Variants in OOSP4B observed in about 807,000 individuals in gnomAD.
OOSP4B encodes oocyte-secreted protein 4B.
At chr11:60,030,299 T>C (rs1854794100) in intron 4 of OOSP4B, among the ~76,000 whole-genome samples, 1 of 152,178 alleles carries the variant, frequency 6.6e-6, no homozygotes, top group Non-Finnish European at 1.5e-5. Context: ...GTGTATAAAA[T>C]AAGTAGGCAG....
exon 3 of OOSP4B, chr11:60,025,002 A>G: frequency 2.5e-6 from 1 of 398,330 alleles, no homozygotes; most frequent in Non-Finnish European, 4.4e-6. Context: ...TGCTTTGTGA[A>G]GAGGTATGAG....
chr11:60,024,253 T>C lies in OOSP4B; in HGVS notation c.204+192T>C, dbSNP rs1854722995. 2.0e-5 allele frequency among the ~76,000 whole-genome samples: 3 copies of C among 152,092 alleles called. No individual in the cohort carries two copies. The South Asian group carries it at 6.2e-4, about 32-fold the overall frequency. On this transcript the variant is annotated intron_variant, in intron 2 of 4. Coordinates refer to ENST00000642343, the Ensembl canonical transcript of OOSP4B. ...CAGATAAGGGACTTTAAAAAGGTCA[T>C]AAGGGGCTGGGCATGGTGGCTCACA... is the stretch of plus-strand genomic sequence containing the variant.
intron 1 of OOSP4B, among the ~76,000 whole-genome samples, chr11:60,022,490 C>T (rs1012913829): frequency 7.2e-5 from 11 of 152,138 alleles, no homozygotes; most frequent in South Asian, 4.1e-4. Context: ...GTTGTACTTG[C>T]GTCTCTGTTC....
At chr11:60,026,285 A>G (rs1335336152) in intron 3 of OOSP4B, among the ~76,000 whole-genome samples, 1 of 152,146 alleles carries the variant, frequency 6.6e-6, no homozygotes, top group African/African-American at 2.4e-5. Context: ...ATTTGGGTTT[A>G]TAATCCATCT....
chr11:60,027,965 T>G, intron 3 of OOSP4B, among the ~76,000 whole-genome samples: 1 of 151,512 alleles, frequency 6.6e-6, no homozygotes, highest in East Asian at 1.9e-4. Flanking sequence ...AGTCTCCTCC[T>G]TTTGGATCAT....
chr11:60,028,778 G>A (rs149464097), intron 3 of OOSP4B, among the ~76,000 whole-genome samples: 2 of 152,278 alleles, frequency 1.3e-5, no homozygotes, highest in East Asian at 3.9e-4. Context: ...TGAAATTGTT[G>A]TAGGGGTCTT....
intron 3 of OOSP4B, among the ~76,000 whole-genome samples, chr11:60,026,745 T>C (rs1260081512): frequency 6.6e-6 from 1 of 152,226 alleles, no homozygotes; most frequent in Non-Finnish European, 1.5e-5. Context: ...TAATATTACA[T>C]GTAAATTACT....
intron 1 of OOSP4B, among the ~76,000 whole-genome samples, chr11:60,023,560 A>G (rs1854715502): frequency 6.6e-6 from 1 of 151,864 alleles, no homozygotes; most frequent in Non-Finnish European, 1.5e-5. Context: ...TCAGTCTCCC[A>G]AGTAGCTGGG....
chr11:60,020,585 C>T (rs753197071), intron 1 of OOSP4B, among the ~76,000 whole-genome samples: 6 of 152,164 alleles, frequency 3.9e-5, no homozygotes, highest in Admixed American at 6.5e-5. Context: ...CCCCGGTTCC[C>T]GCCGGCGCCT....
In OOSP4B at chr11:60,024,889, A is replaced by C; in HGVS notation, c.205-19A>C. 2.5e-6 allele frequency: 1 copy of C among 398,308 alleles called. No individual in the cohort carries two copies. Among genetic ancestry groups the C allele is most frequent in the Non-Finnish European group, 4.4e-6 (1 of 225,898 alleles). The allele number at this position is 398,308 out of a possible 1,614,324, so 24.7% of individuals were successfully genotyped here. ...AAGAATTTAATGCCTTCTAGTATTA[A>C]AACTCTCAATTGTTTCAGATGTTCC... is the stretch of plus-strand genomic sequence containing the variant. On this transcript the variant is annotated intron_variant, in intron 2 of 4. Coordinates refer to ENST00000642343, the Ensembl canonical transcript of OOSP4B.
At chr11:60,020,459 G>A (rs1854678547) in intron 1 of OOSP4B, among the ~76,000 whole-genome samples, 1 of 152,214 alleles carries the variant, frequency 6.6e-6, no homozygotes, top group Non-Finnish European at 1.5e-5. Flanking sequence ...GCTGGTCCAG[G>A]TGCTAAGCCC....
intron 1 of OOSP4B, among the ~76,000 whole-genome samples, chr11:60,018,661 G>C (rs1194173143): frequency 1.3e-5 from 2 of 152,132 alleles, no homozygotes; most frequent in East Asian, 3.8e-4. Flanking sequence ...AAGATTTGTG[G>C]GGGGCTACCC....
exon 2 of OOSP4B, chr11:60,023,993 G>A: frequency 2.5e-6 from 1 of 398,568 alleles, no homozygotes; most frequent in Non-Finnish European, 4.4e-6. Context: ...TAACTGTCCT[G>A]TAACAAGACT....
At chr11:60,018,803 A>G (rs1433440358) in intron 1 of OOSP4B, among the ~76,000 whole-genome samples, 1 of 152,150 alleles carries the variant, frequency 6.6e-6, no homozygotes, top group Non-Finnish European at 1.5e-5. Context: ...GTCTTTCTCT[A>G]TTACCATTCC....
intron 1 of OOSP4B, 65 bp downstream of exon 1, chr11:60,017,478 G>C (rs1472339463): frequency 5.0e-6 from 2 of 398,306 alleles, no homozygotes; most frequent in Non-Finnish European, 8.8e-6. Flanking sequence ...GTATGCATAA[G>C]AAATATCTTC....
chr11:60,020,778 C>T (rs781538031), intron 1 of OOSP4B, among the ~76,000 whole-genome samples: 6 of 152,230 alleles, frequency 3.9e-5, no homozygotes, highest in Non-Finnish European at 8.8e-5. Context: ...TGTCACCTCT[C>T]ACATGCTTGT....
chr11:60,026,714 A>G (rs1359059578), intron 3 of OOSP4B, among the ~76,000 whole-genome samples: 2 of 152,228 alleles, frequency 1.3e-5, no homozygotes, highest in East Asian at 1.9e-4. Context: ...GCTGTCTAAC[A>G]TAGTAACCAG....
At chr11:60,023,259 A>T (rs1486150755) in intron 1 of OOSP4B, among the ~76,000 whole-genome samples, 5 of 152,378 alleles carry the variant, frequency 3.3e-5, no homozygotes, top group Admixed American at 3.3e-4. Context: ...TTTTGAGCAC[A>T]TGAAGTGTGG....
chr11:60,030,039 T>C (rs1412199749), intron 4 of OOSP4B, 110 bp downstream of exon 4: 1 of 394,710 alleles, frequency 2.5e-6, no homozygotes, highest in Non-Finnish European at 4.5e-6. Context: ...CTGAAATTGC[T>C]CTGGTTTTAA....
Sources: gnomAD v4.1 joint callset for allele counts (sites outside exome capture counted in the v4.1 genomes callset) on GRCh38, gnomAD v4.1.1 for gene constraint, MANE v1.5 for transcripts, NCBI Gene and HGNC (gene_info 2026-07-23, HGNC 2026-07-21) for gene names.